The following GALNT13 variants were observed in gnomAD, a reference collection of about 807,000 sequenced individuals.
GALNT13 encodes UDP-GalNAc:polypeptide N-acetylgalactosaminyltransferase 13.
A neutral mutation model predicts 64.2 loss-of-function variants in GALNT13; 28 were observed. That is an observed-to-expected ratio of 0.44 (90% CI 0.32 to 0.60). The LOEUF is 0.60. Ranked by LOEUF, GALNT13 falls within the 20% of genes least tolerant of loss-of-function variation. The pLI is 0.05. For missense variants in GALNT13, 577 were observed against 669.8 expected, an observed-to-expected ratio of 0.86 and a Z score of 1.53; for synonymous variants, 214 against 224.6, an observed-to-expected ratio of 0.95 and a Z score of 0.42.
At chr2:154,409,264 A>C in intron 11 of GALNT13, 182 bp downstream of exon 11, 2 of 594,114 alleles carry the variant, frequency 3.4e-6, no homozygotes, top group Non-Finnish European at 6.0e-6. Flanking sequence ...GAGCTGAAAA[A>C]TTAAAATAAA....
chr2:153,879,102 T>C (rs562091398), intron 1 of GALNT13, among the ~76,000 whole-genome samples: 3 of 152,344 alleles, frequency 2.0e-5, no homozygotes, highest in Admixed American at 2.0e-4. Context: ...AAGCAACTAA[T>C]CTGCTTGTAG....
In GALNT13 at chr2:154,318,597, C is replaced by T. The variant is rs550737158; in HGVS notation, c.1156+17008C>T. 6.6e-5 allele frequency among the ~76,000 whole-genome samples: 10 copies of T among 151,894 alleles called. No individual in the cohort carries two copies. In the East Asian group the frequency reaches 9.7e-4, roughly 15 times the overall value. ...AAAATTAGCCAGGCATGGTGGCATACGCCTGTAATCCCAGCTACTTGGGAA... is the reference window on the plus strand; with the variant it reads ...AAAATTAGCCAGGCATGGTGGCATATGCCTGTAATCCCAGCTACTTGGGAA... On this transcript the variant is annotated intron_variant, in intron 9 of 12. Transcript: ENST00000392825.
At chr2:153,944,697 C>T (rs1691587314) in intron 3 of GALNT13, 58 bp downstream of exon 3, 1 of 1,421,472 alleles carries the variant, frequency 7.0e-7, no homozygotes, top group Non-Finnish European at 9.6e-7. Flanking sequence ...GGTGCCTTGA[C>T]AAAATGAGAA....
chr2:153,714,901 C>T, the GALNT13 span, among the ~76,000 whole-genome samples: 1 of 152,162 alleles, frequency 6.6e-6, no homozygotes, highest in African/African-American at 2.4e-5. Flanking sequence ...GTCTGAAATA[C>T]CCGTGTTAGG....
At chr2:153,381,725 C>A in the GALNT13 span, among the ~76,000 whole-genome samples, 1 of 152,036 alleles carries the variant, frequency 6.6e-6, no homozygotes, top group African/African-American at 2.4e-5. Context: ...CACAAAAGCC[C>A]AGTTAACCTT....
At chr2:153,075,683 A>G in the GALNT13 span, among the ~76,000 whole-genome samples, 1 of 152,150 alleles carries the variant, frequency 6.6e-6, no homozygotes, top group Non-Finnish European at 1.5e-5. Flanking sequence ...TATTTCCAAA[A>G]TCAACTGTAC....
rs529819654 is a variant in GALNT13 at position 154,004,159 on chromosome 2, T to TA, written c.142+59521dup. Among the ~76,000 whole-genome samples, 644 of 152,280 alleles carry TA rather than the reference T, an allele frequency of 4.2e-3. 4 individuals are homozygous for TA. The highest frequency in any genetic ancestry group is 0.015 in the African/African-American group (613 of 41,554). Reference sequence around the variant, plus strand: ...TCTCCATAGAATTATTACTAATTGTTATTACTTTGCTATAGAATATCCAGA... The same window carrying TA: ...TCTCCATAGAATTATTACTAATTGTTAATTACTTTGCTATAGAATATCCAGA... On this transcript the variant is annotated intron_variant, in intron 3 of 12. Coordinates refer to ENST00000392825, the MANE Select transcript of GALNT13 (RefSeq NM_052917.4).
the GALNT13 span, among the ~76,000 whole-genome samples, chr2:153,143,903 G>T: frequency 6.6e-6 from 1 of 151,878 alleles, no homozygotes; most frequent in Admixed American, 6.6e-5. Context: ...TGCCCTCAGC[G>T]TATCTTTAAA....
chr2:153,764,641 C>A, the GALNT13 span, among the ~76,000 whole-genome samples: 1 of 152,198 alleles, frequency 6.6e-6, no homozygotes, highest in Non-Finnish European at 1.5e-5. Context: ...AAGCTGGCTG[C>A]AGAAATTGGC....
chr2:153,938,828 CT>C (rs1691133289), intron 2 of GALNT13, among the ~76,000 whole-genome samples: 1 of 152,078 alleles, frequency 6.6e-6, no homozygotes, highest in African/African-American at 2.4e-5. Context: ...GTCTAATTAC[CT>C]TTTTAAATCC....
the GALNT13 span, among the ~76,000 whole-genome samples, chr2:153,492,461 T>C: frequency 6.6e-6 from 1 of 152,192 alleles, no homozygotes; most frequent in African/African-American, 2.4e-5. Context: ...CTTTGCAGAA[T>C]TCAATAACAG....
the GALNT13 span, among the ~76,000 whole-genome samples, chr2:153,296,134 C>A: frequency 6.6e-6 from 1 of 152,104 alleles, no homozygotes; most frequent in Non-Finnish European, 1.5e-5. Context: ...CAGTCTGCTA[C>A]ACAAAACTGA....
At chr2:153,438,105 G>A in the GALNT13 span, among the ~76,000 whole-genome samples, 2 of 152,188 alleles carry the variant, frequency 1.3e-5, no homozygotes, top group African/African-American at 4.8e-5. Context: ...GGCTGGATAT[G>A]AAATTCTGGG....
At chr2:153,962,299 T>C (rs760227974) in intron 3 of GALNT13, among the ~76,000 whole-genome samples, 1 of 152,162 alleles carries the variant, frequency 6.6e-6, no homozygotes, top group Non-Finnish European at 1.5e-5. Context: ...TAGTAGTCAA[T>C]AAGTCAAGAG....
intron 2 of GALNT13, among the ~76,000 whole-genome samples, chr2:153,914,349 G>A (rs1296193147): frequency 6.6e-6 from 1 of 151,994 alleles, no homozygotes; most frequent in Non-Finnish European, 1.5e-5. Flanking sequence ...GTCGAGTGTG[G>A]TGGTGTGTGC....
the GALNT13 span, among the ~76,000 whole-genome samples, chr2:153,475,646 G>A: frequency 3.3e-5 from 5 of 152,230 alleles, no homozygotes; most frequent in African/African-American, 1.2e-4. Flanking sequence ...CAGCCTCCGC[G>A]TGTCTGAAAC....
chr2:154,242,872 T>C lies in GALNT13; in HGVS notation c.653T>C (p.Leu218Pro). 1 of 1,614,158 alleles carries C rather than the reference T, an allele frequency of 6.2e-7. No homozygotes were observed. The highest frequency in any genetic ancestry group is 8.5e-7 in the Non-Finnish European group (1 of 1,180,004). ...CACTGTGAATGCACGTTAGGATGGC[T>C]GGAGCCTTTGCTGGCAAGAATAAAG... The part of the protein sequence containing the change: ...DAHCECTLGW[L>P]EPLLARIKED... Residue 218 changes from leucine to proline, a missense_variant, in exon 6 of 13, where the codon CTG becomes CCG. Coordinates refer to ENST00000392825, the MANE Select transcript of GALNT13 (RefSeq NM_052917.4).
intron 3 of GALNT13, among the ~76,000 whole-genome samples, chr2:154,025,784 T>C (rs2105292656): frequency 6.6e-6 from 1 of 152,300 alleles, no homozygotes; most frequent in Non-Finnish European, 1.5e-5. Context: ...TAGTAAGCAA[T>C]ACTTTCATTC....
At chr2:154,308,540 G>T (rs940170500) in intron 9 of GALNT13, among the ~76,000 whole-genome samples, 2 of 152,062 alleles carry the variant, frequency 1.3e-5, no homozygotes, top group Admixed American at 1.3e-4. Flanking sequence ...TTTGTTTCCA[G>T]CAAAATGTGC....
Sources: allele counts gnomAD v4.1 joint callset (sites outside exome capture counted in the v4.1 genomes callset), GRCh38; gene constraint gnomAD v4.1.1; transcripts MANE v1.5; gene names NCBI Gene and HGNC (gene_info 2026-07-23, HGNC 2026-07-21).